OSBPL3: variants seen among roughly 807,000 people sequenced by gnomAD.
OSBPL3 encodes the protein oxysterol binding protein like 3, also known as oxysterol-binding protein-related protein 3.
A neutral mutation model predicts 120.1 loss-of-function variants in OSBPL3; 65 were observed. The observed-to-expected ratio is 0.54, with a 90% CI of 0.44 to 0.67. OSBPL3 has a LOEUF of 0.67. OSBPL3 is among the 30% of genes least tolerant of loss of function. The pLI, the probability that OSBPL3 is intolerant of heterozygous loss-of-function variation, is 0.00. For synonymous variants in OSBPL3, 416 were observed against 402.6 expected (o/e 1.03, Z -0.40); for missense variants, 1,004 against 1,082.1 (o/e 0.93, Z 1.01).
At chr7:24,931,951 T>C (rs919365926) in intron 1 of OSBPL3, among the ~76,000 whole-genome samples, 5 of 152,176 alleles carry the variant, frequency 3.3e-5, no homozygotes, top group Admixed American at 3.3e-4. Context: ...TGGGCTCTCA[T>C]CCTCACTCTC....
intron 1 of OSBPL3, among the ~76,000 whole-genome samples, 193 bp downstream of exon 1, chr7:24,979,693 C>CT (rs1818031580): frequency 6.6e-6 from 1 of 152,140 alleles, no homozygotes. Context: ...CCTCCTTCCC[C>CT]GGGAGCTGCA....
intron 6 of OSBPL3, 84 bp downstream of exon 6, chr7:24,865,986 T>C: frequency 8.7e-7 from 1 of 1,153,538 alleles, no homozygotes; most frequent in Middle Eastern, 2.0e-4. Flanking sequence ...AACTTTTCCT[T>C]CTTCGGACTC....
chr7:24,975,333 T>C (rs547671753), intron 1 of OSBPL3, among the ~76,000 whole-genome samples: 144 of 152,346 alleles, frequency 9.5e-4, no homozygotes, highest in African/African-American at 3.4e-3. Flanking sequence ...CAAGGAATTC[T>C]GTTACTTCGA....
chr7:24,909,788 T>TG (rs1562916117), intron 1 of OSBPL3, among the ~76,000 whole-genome samples: 21 of 84,236 alleles, frequency 2.5e-4, no homozygotes, highest in Non-Finnish European at 3.3e-4. Flanking sequence ...TCTTTCTTTT[T>TG]TTTTTTTTTT....
At position 24,834,255 on chromosome 7, in the gene OSBPL3, C is replaced by A; in HGVS notation, c.1746+231G>T. The A allele has an allele frequency of 7.4e-7, 1 of 1,343,056 alleles. No homozygotes were observed. The highest frequency in any genetic ancestry group is 3.5e-5 in the Admixed American group (1 of 28,528). The allele number at this position is 1,343,056 out of a possible 1,614,324, so 83.2% of individuals were successfully genotyped here. On this transcript the variant is annotated intron_variant, in intron 15 of 22. Transcript: ENST00000313367. The surrounding 1 kb of genome is among the most constrained non-coding windows in gnomAD (Gnocchi z 5.2). ...ACAAACCCACAGAACAGAACTACCC[C>A]AGGCACCAAGTGCCACGGAGAAGCA...
intron 22 of OSBPL3, 125 bp from the exon 23 acceptor site, chr7:24,800,404 G>A (rs1562740769): frequency 2.0e-6 from 1 of 496,952 alleles, no homozygotes; most frequent in African/African-American, 2.0e-5. Context: ...GTCCCAGAGT[G>A]TTGGGACCGG....
At chr7:24,823,397 T>G (rs1795340114) in intron 16 of OSBPL3, among the ~76,000 whole-genome samples, 2 of 152,182 alleles carry the variant, frequency 1.3e-5, no homozygotes, top group South Asian at 4.1e-4. Flanking sequence ...TATTTTCACT[T>G]AGTTCTTAGG....
intron 1 of OSBPL3, among the ~76,000 whole-genome samples, chr7:24,910,282 T>C (rs112766792): frequency 7.6e-4 from 116 of 152,244 alleles, no homozygotes; most frequent in African/African-American, 2.7e-3. Context: ...TCACTACAGA[T>C]CAGGATGAAT....
rs1411263323 is a variant in OSBPL3 at position 24,946,549 on chromosome 7, T to C, written c.-150+33337A>G. Among the ~76,000 whole-genome samples the C allele has an allele frequency of 2.0e-5, 3 of 152,312 alleles. No homozygotes were observed. Among genetic ancestry groups the C allele is most frequent in the South Asian group, 4.1e-4 (2 of 4,822 alleles). On this transcript the variant is annotated intron_variant, in intron 1 of 22. Transcript: ENST00000313367. The surrounding 1 kb of genome is among the most constrained non-coding windows in gnomAD (Gnocchi z 4.3). ...GGGAAGTAACAGACATTATCTGTTA[T>C]TTTGCTCAGTACAAGTATCTTGTTT... is the stretch of plus-strand genomic sequence containing the variant.
At chr7:24,838,222 A>C (rs112184783) in intron 14 of OSBPL3, among the ~76,000 whole-genome samples, 1 of 152,178 alleles carries the variant, frequency 6.6e-6, no homozygotes, top group Non-Finnish European at 1.5e-5. Flanking sequence ...TAGACCAGGC[A>C]AGGTGGCTCA....
At position 24,913,962 on chromosome 7, in the gene OSBPL3, C is replaced by A. The variant is rs1393260931; in HGVS notation, c.-149-21341G>T. Among the ~76,000 whole-genome samples the A allele has an allele frequency of 6.6e-6, 1 of 152,136 alleles. No homozygotes were observed. The highest frequency in any genetic ancestry group is 2.4e-5 in the African/African-American group (1 of 41,438). The stretch of plus-strand genomic sequence containing the variant: ...ATTCATTACGAAAGAGTCAAAATCG[C>A]AAGCACCATTCAATCCTTTGGTAAG... On this transcript the variant is annotated intron_variant, in intron 1 of 22. Coordinates refer to ENST00000313367, the MANE Select transcript of OSBPL3 (RefSeq NM_015550.4). The surrounding 1 kb of genome is among the most constrained non-coding windows in gnomAD (Gnocchi z 5.3).
rs1803270123 is a variant in OSBPL3, at chr7:24,879,084, G to A, written c.97-7015C>T. ...TATCTAATGAGTGCTATGAAAAATG[G>A]CAAAAACATGGCTGATCTATGAAAG... On this transcript the variant is annotated intron_variant, in intron 2 of 22. Transcript: ENST00000313367. The surrounding 1 kb of genome is among the most constrained non-coding windows in gnomAD (Gnocchi z 5.6). Among the ~76,000 whole-genome samples, 1 of 152,176 alleles carries A rather than the reference G, an allele frequency of 6.6e-6. No individual in the cohort carries two copies. Among genetic ancestry groups the A allele is most frequent in the Non-Finnish European group, 1.5e-5 (1 of 68,032 alleles).
At position 24,891,778 on chromosome 7, in the gene OSBPL3, C is replaced by T. The variant is rs1435776511; in HGVS notation, c.96+599G>A. On this transcript the variant is annotated intron_variant, in intron 2 of 22. Coordinates refer to ENST00000313367, the MANE Select transcript of OSBPL3 (RefSeq NM_015550.4). This position sits in a 1 kb window ranked among gnomAD's most constrained non-coding sequence, Gnocchi z 4.1. ...ATTCATTCCTTTGTTTCAGTTCTTT[C>T]TTCCTCCTACTTAATTTCTTTGGAC... 6.6e-6 allele frequency among the ~76,000 whole-genome samples: 1 copy of T among 152,170 alleles called. No individual in the cohort carries two copies. Among genetic ancestry groups the T allele is most frequent in the African/African-American group, 2.4e-5 (1 of 41,436 alleles).
chr7:24,975,837 C>T (rs761347043), intron 1 of OSBPL3, among the ~76,000 whole-genome samples: 1 of 152,162 alleles, frequency 6.6e-6, no homozygotes, highest in African/African-American at 2.4e-5. Context: ...AGAGATTATG[C>T]TGACAAAAGC....
intron 12 of OSBPL3, among the ~76,000 whole-genome samples, chr7:24,843,244 T>G (rs565108950): frequency 6.6e-6 from 1 of 152,146 alleles, no homozygotes; most frequent in African/African-American, 2.4e-5. Context: ...GCCTGTGGAA[T>G]AGACAAAGTG....
In OSBPL3 at chr7:24,980,080, T is replaced by A; in HGVS notation, c.-344A>T. On this transcript the variant is annotated 5_prime_UTR_variant, in exon 1 of 23. Coordinates refer to ENST00000313367, the MANE Select transcript of OSBPL3 (RefSeq NM_015550.4). ...ACAGACTGCGGGGCCGGAGCCGCGC[T>A]GCGCACCGGCCGCGAAGCGCTCAAG... The A allele has an allele frequency of 3.1e-6, 3 of 983,398 alleles. No individual in the cohort carries two copies. The highest frequency in any genetic ancestry group is 3.6e-6 in the Non-Finnish European group (3 of 828,274). The allele number at this position is 983,398 out of a possible 1,614,324, so 60.9% of individuals were successfully genotyped here.
rs539090129 is a variant in OSBPL3, at chr7:24,939,030, A to C, written c.-150+40856T>G. Among the ~76,000 whole-genome samples, 1 of 152,284 alleles carries C rather than the reference A, an allele frequency of 6.6e-6. No individual in the cohort carries two copies. Among genetic ancestry groups the C allele is most frequent in the South Asian group, 2.1e-4 (1 of 4,826 alleles). On this transcript the variant is annotated intron_variant, in intron 1 of 22. Transcript: ENST00000313367. The surrounding 1 kb of genome is among the most constrained non-coding windows in gnomAD (Gnocchi z 4.2). ...AAATAAAGATTAAAGAATTTTTAGC[A>C]CAGAGATATTGGATGAAATCATAGG...
rs1487392157 is a variant in OSBPL3, at chr7:24,933,043, A to C, written c.-149-40422T>G. ...TCCAGTCTTCACGGTTCACAGGAGG[A>C]GAATGGAAGGGCTGCTGCCCAAAAT... On this transcript the variant is annotated intron_variant, in intron 1 of 22. Coordinates refer to ENST00000313367, the MANE Select transcript of OSBPL3 (RefSeq NM_015550.4). The surrounding 1 kb of genome is among the most constrained non-coding windows in gnomAD (Gnocchi z 5.1). 6.6e-6 allele frequency among the ~76,000 whole-genome samples: 1 copy of C among 152,176 alleles called. No homozygotes were observed. The highest frequency in any genetic ancestry group is 1.5e-5 in the Non-Finnish European group (1 of 68,030).
In OSBPL3 at chr7:24,967,302, C is replaced by A. The variant is rs1222568120; in HGVS notation, c.-150+12584G>T. 6.6e-6 allele frequency among the ~76,000 whole-genome samples: 1 copy of A among 152,170 alleles called. No homozygotes were observed. The highest frequency in any genetic ancestry group is 1.5e-5 in the Non-Finnish European group (1 of 68,034). On this transcript the variant is annotated intron_variant, in intron 1 of 22. Coordinates refer to ENST00000313367, the MANE Select transcript of OSBPL3 (RefSeq NM_015550.4). The surrounding 1 kb of genome is among the most constrained non-coding windows in gnomAD (Gnocchi z 5.6). ...AGTAGCCATGCACCACCCTTGGGTTCCCATGAATTCTTACCCTACAGCTGC... is the reference window on the plus strand; with the variant it reads ...AGTAGCCATGCACCACCCTTGGGTTACCATGAATTCTTACCCTACAGCTGC...
Sources: allele counts gnomAD v4.1 joint callset (sites outside exome capture counted in the v4.1 genomes callset), GRCh38; gene constraint gnomAD v4.1.1; non-coding constraint Gnocchi (gnomAD v3.1); transcripts MANE v1.5; gene names NCBI Gene and HGNC (gene_info 2026-07-23, HGNC 2026-07-21).